The following LRP1B variants were observed in gnomAD, a reference collection of about 807,000 sequenced individuals.
LRP1B encodes LDL receptor related protein 1B.
In LRP1B, 217 loss-of-function variants were observed where a neutral mutation model predicts 556.6. The ratio of observed to expected loss-of-function variants is 0.39; its 90% CI spans 0.35 to 0.44. The LOEUF is 0.44. Among genes scored for constraint, LRP1B ranks in the 20% least tolerant of loss-of-function variants. The probability of loss-of-function intolerance (pLI) is 1.00; values close to 1 mark genes in which losing one functional copy is unlikely to be tolerated. For missense variants in LRP1B, 5,053 were observed against 5,620.8 expected (o/e 0.90, Z 3.23); for synonymous variants, 2,047 against 1,865.8 (o/e 1.10, Z -2.50).
chr2:140,665,456 A>G (rs1027948695), intron 41 of LRP1B, among the ~76,000 whole-genome samples: 1 of 152,232 alleles, frequency 6.6e-6, no homozygotes, highest in Non-Finnish European at 1.5e-5. Flanking sequence ...TAACTTCACA[A>G]CACTGTTATC....
chr2:141,344,733 A>C (rs570592214), intron 3 of LRP1B, among the ~76,000 whole-genome samples: 1 of 152,306 alleles, frequency 6.6e-6, no homozygotes, highest in African/African-American at 2.4e-5. Flanking sequence ...TAGTGTCTTC[A>C]ATGTGACACA....
intron 3 of LRP1B, among the ~76,000 whole-genome samples, chr2:141,352,020 A>G (rs1688463912): frequency 6.6e-6 from 1 of 151,912 alleles, no homozygotes; most frequent in African/African-American, 2.4e-5. Flanking sequence ...TACCATGGAG[A>G]AAAGACTTTT....
At chr2:141,230,142 T>C (rs1683405030) in intron 5 of LRP1B, among the ~76,000 whole-genome samples, 2 of 152,232 alleles carry the variant, frequency 1.3e-5, no homozygotes, top group South Asian at 4.1e-4. Context: ...TTCAACAGCA[T>C]ATTTAAACGT....
chr2:140,535,992 G>A (rs1405875589), intron 46 of LRP1B, among the ~76,000 whole-genome samples: 4 of 152,072 alleles, frequency 2.6e-5, no homozygotes, highest in African/African-American at 9.7e-5. Context: ...AGCCAACGAT[G>A]TGCTATTGTC....
intron 43 of LRP1B, among the ~76,000 whole-genome samples, chr2:140,578,201 T>C (rs971584795): frequency 5.9e-5 from 9 of 152,154 alleles, no homozygotes; most frequent in Non-Finnish European, 7.3e-5. Flanking sequence ...ATCCTAATTA[T>C]GTGATTTTGA....
At chr2:141,290,733 A>C (rs1417094710) in intron 3 of LRP1B, among the ~76,000 whole-genome samples, 2 of 152,170 alleles carry the variant, frequency 1.3e-5, no homozygotes, top group African/African-American at 4.8e-5. Flanking sequence ...GTTTCCTGGG[A>C]TTTATGAGAC....
chr2:141,070,334 C>G (rs1699603233), intron 7 of LRP1B, among the ~76,000 whole-genome samples: 2 of 150,338 alleles, frequency 1.3e-5, no homozygotes, highest in South Asian at 4.3e-4. Context: ...ATACCAGAAT[C>G]TCTGGGACAC....
intron 1 of LRP1B, among the ~76,000 whole-genome samples, chr2:142,049,153 G>A (rs76479448): frequency 0.047 from 7,183 of 152,010 alleles, 238 homozygotes; most frequent in Non-Finnish European, 0.059. Context: ...CTAACAAAAA[G>A]TGTTAGTACT....
At position 140,439,889 on chromosome 2, in the gene LRP1B, A is replaced by C. The variant is rs888563164; in HGVS notation, c.10414+2615T>G. Among the ~76,000 whole-genome samples, 4 of 152,074 alleles carry C rather than the reference A, an allele frequency of 2.6e-5. No individual in the cohort carries two copies. The East Asian group carries it at 5.8e-4, about 22-fold the overall frequency. On this transcript the variant is annotated intron_variant, in intron 66 of 90. Transcript: ENST00000389484. ...TAAATATAAATATAGAATTTAAAAA[A>C]ATTTACAATGATTATTTTAATTCCC...
chr2:141,837,927 G>T (rs980201624), intron 1 of LRP1B, among the ~76,000 whole-genome samples: 4 of 152,084 alleles, frequency 2.6e-5, no homozygotes, highest in Admixed American at 6.6e-5. Context: ...TTGATATGGT[G>T]AAAAAATGTA....
At chr2:140,735,052 G>A (rs1268092230) in intron 35 of LRP1B, among the ~76,000 whole-genome samples, 2 of 152,184 alleles carry the variant, frequency 1.3e-5, no homozygotes, top group African/African-American at 4.8e-5. Flanking sequence ...GAGATGATGG[G>A]AGTGGGCTGA....
intron 16 of LRP1B, among the ~76,000 whole-genome samples, chr2:140,993,025 G>T (rs1165977290): frequency 6.6e-6 from 1 of 151,774 alleles, no homozygotes. Context: ...TGAGATTTTT[G>T]TCCTGAAGCA....
At position 140,542,025 on chromosome 2, in the gene LRP1B, G is replaced by A. The variant is rs555511826; in HGVS notation, c.7195-54C>T. On this transcript the variant is annotated intron_variant, in intron 43 of 90. Transcript: ENST00000389484. ...ATGATGAATATATAGACATTTATAC[G>A]TCCACACCTATTTTTGCTTCAAAAA... The A allele has an allele frequency of 3.5e-5, 40 of 1,154,302 alleles. No individual in the cohort carries two copies. In the East Asian group the frequency reaches 5.6e-4, roughly 16 times the overall value. 71.5% of individuals were successfully genotyped at this position (1,154,302 alleles called of 1,614,324 possible).
At chr2:141,113,377 G>A (rs1217234899) in intron 7 of LRP1B, among the ~76,000 whole-genome samples, 1 of 152,100 alleles carries the variant, frequency 6.6e-6, no homozygotes, top group African/African-American at 2.4e-5. Context: ...AAATGAGGGT[G>A]ACTTGCCTTA....
intron 84 of LRP1B, among the ~76,000 whole-genome samples, chr2:140,292,492 T>A (rs1372575284): frequency 6.6e-6 from 1 of 152,138 alleles, no homozygotes; most frequent in Non-Finnish European, 1.5e-5. Context: ...CATATGCTGT[T>A]CCTTTGTGTA....
At chr2:141,929,339 T>C (rs1260161215) in intron 1 of LRP1B, among the ~76,000 whole-genome samples, 1 of 152,084 alleles carries the variant, frequency 6.6e-6, no homozygotes, top group African/African-American at 2.4e-5. Flanking sequence ...ATGCACTTCA[T>C]AGGGTGTCAC....
At position 140,357,053 on chromosome 2, in the gene LRP1B, C is replaced by T. The variant is rs993396624; in HGVS notation, c.11396-577G>A. Among the ~76,000 whole-genome samples, 5 of 151,696 alleles carry T rather than the reference C, an allele frequency of 3.3e-5. No individual in the cohort carries two copies. The Admixed American group carries it at 3.3e-4, about 10-fold the overall frequency. On this transcript the variant is annotated intron_variant, in intron 74 of 90. Transcript: ENST00000389484. ...ATAAGCTGCAACATTTTAGGACAGA[C>T]AAAAAGTTACTTGTAATTTCCAGGA...
chr2:140,403,900 A>T (rs929780245), intron 66 of LRP1B, among the ~76,000 whole-genome samples: 1 of 152,188 alleles, frequency 6.6e-6, no homozygotes, highest in Admixed American at 6.5e-5. Flanking sequence ...GCATAAAGGA[A>T]AACCAGACTA....
intron 3 of LRP1B, among the ~76,000 whole-genome samples, chr2:141,376,921 A>C (rs551634779): frequency 2.0e-5 from 3 of 152,288 alleles, no homozygotes; most frequent in African/African-American, 4.8e-5. Context: ...ATCTCAATGT[A>C]AGGCAGTAAA....
Sources: gnomAD v4.1 joint callset for allele counts (sites outside exome capture counted in the v4.1 genomes callset) on GRCh38, gnomAD v4.1.1 for gene constraint, MANE v1.5 for transcripts, NCBI Gene and HGNC (gene_info 2026-07-23, HGNC 2026-07-21) for gene names.